The following CPPED1 variants were observed in gnomAD, a reference collection of about 807,000 sequenced individuals.
CPPED1 encodes serine/threonine-protein phosphatase CPPED1.
CPPED1 carries 28 observed loss-of-function variants against 28.0 expected under a neutral mutation model. That is an observed-to-expected ratio of 1.00 (90% CI 0.74 to 1.37). CPPED1 has a LOEUF of 1.37. CPPED1 is among the 40% of genes most tolerant of loss of function. The pLI is 0.00. For synonymous variants in CPPED1, 198 were observed against 180.2 expected (o/e 1.10, Z -0.79); for missense variants, 504 against 416.5 (o/e 1.21, Z -1.83).
In CPPED1 at chr16:12,664,999, G is replaced by A; in HGVS notation, c.832C>T (p.Leu278Phe). The change falls in exon 4 of 4, where the codon CTC becomes TTC. Residue 278 changes from leucine (L) to phenylalanine (F), a missense_variant. Leu to Phe is a conservative substitution (Grantham distance 22). Coordinates refer to ENST00000381774, the MANE Select transcript of CPPED1 (RefSeq NM_018340.3). This position sits in a 1 kb window ranked among gnomAD's most constrained non-coding sequence, Gnocchi z 4.2. ...TCGGCGGTGACCACCACGACTCGGA[G>A]CCCGTGGGGGTCTCTGCCCAGCTGG... is the stretch of plus-strand genomic sequence containing the variant. ...GCQLGRDPHG[L>F]RVVVVTAEKI... The A allele has an allele frequency of 6.2e-7, 1 of 1,611,352 alleles. No homozygotes were observed. Among genetic ancestry groups the A allele is most frequent in the Non-Finnish European group, 8.5e-7 (1 of 1,179,128 alleles).
At chr16:12,772,741 TC>T (rs1261196377) in intron 2 of CPPED1, among the ~76,000 whole-genome samples, 2 of 152,188 alleles carry the variant, frequency 1.3e-5, no homozygotes, top group Non-Finnish European at 2.9e-5. Context: ...ATGAAAAGCT[TC>T]TTCATCTATA....
At chr16:12,772,894 G>C (rs2080477820) in intron 2 of CPPED1, among the ~76,000 whole-genome samples, 1 of 152,154 alleles carries the variant, frequency 6.6e-6, no homozygotes, top group South Asian at 2.1e-4. Flanking sequence ...ACTTCAAGCT[G>C]GGACTCGGGC....
chr16:12,787,545 TAC>T (rs1456875410), intron 1 of CPPED1, among the ~76,000 whole-genome samples: 121 of 152,006 alleles, frequency 8.0e-4, no homozygotes, highest in Non-Finnish European at 4.0e-4. Context: ...GCTGGGATTA[TAC>T]AGGCATGTGC....
chr16:12,722,333 T>C lies in CPPED1; in HGVS notation c.290-17284A>G, dbSNP rs538233765. Among the ~76,000 whole-genome samples the C allele has an allele frequency of 5.9e-5, 9 of 152,258 alleles. No individual in the cohort carries two copies. The East Asian group carries it at 1.7e-3, about 29-fold the overall frequency. ...AGGTAAGTAGATGCCGAGCAGTTAGTTGCAAACCAAATGATTTCTCCAGCT... is the reference window on the plus strand; with the variant it reads ...AGGTAAGTAGATGCCGAGCAGTTAGCTGCAAACCAAATGATTTCTCCAGCT... On this transcript the variant is annotated intron_variant, in intron 2 of 3. Coordinates refer to ENST00000381774, the MANE Select transcript of CPPED1 (RefSeq NM_018340.3).
rs146028320 is a variant in CPPED1, at chr16:12,713,957, T to G, written c.290-8908A>C. On this transcript the variant is annotated intron_variant, in intron 2 of 3. Coordinates refer to ENST00000381774, the MANE Select transcript of CPPED1 (RefSeq NM_018340.3). ...CATTGCCCCCCAACTCCCACCACCC[T>G]AATTCTAAGCAATCACTAATCTACC... is the stretch of plus-strand genomic sequence containing the variant. Among the ~76,000 whole-genome samples, 13 of 152,268 alleles carry G rather than the reference T, an allele frequency of 8.5e-5. No homozygotes were observed. In the East Asian group the frequency reaches 2.5e-3, roughly 29 times the overall value.
At chr16:12,788,139 G>A (rs559230767) in intron 1 of CPPED1, among the ~76,000 whole-genome samples, 1 of 152,312 alleles carries the variant, frequency 6.6e-6, no homozygotes, top group East Asian at 1.9e-4. Flanking sequence ...CAGAGGGTCT[G>A]CTAGCAAATG....
intron 2 of CPPED1, among the ~76,000 whole-genome samples, chr16:12,778,421 TG>T (rs1352332373): frequency 1.3e-5 from 2 of 150,882 alleles, no homozygotes; most frequent in African/African-American, 4.9e-5. Context: ...GGATCACAGG[TG>T]TACACCACCA....
At chr16:12,733,060 C>T (rs907507903) in intron 2 of CPPED1, among the ~76,000 whole-genome samples, 22 of 152,128 alleles carry the variant, frequency 1.4e-4, no homozygotes, top group South Asian at 1.0e-3. Flanking sequence ...AATTTATTGA[C>T]GGGAAATTGG....
chr16:12,710,719 A>G (rs1476838562), intron 2 of CPPED1, among the ~76,000 whole-genome samples: 2 of 152,216 alleles, frequency 1.3e-5, no homozygotes, highest in African/African-American at 4.8e-5. Flanking sequence ...TAAATGGCCA[A>G]TAAGGACATT....
intron 3 of CPPED1, among the ~76,000 whole-genome samples, chr16:12,700,938 G>A (rs985083834): frequency 2.6e-5 from 4 of 152,106 alleles, no homozygotes; most frequent in African/African-American, 7.2e-5. Context: ...TGTCAAAGTT[G>A]AGTGGGAGGC....
chr16:12,689,777 G>A (rs1037449122), intron 3 of CPPED1, among the ~76,000 whole-genome samples: 51 of 152,180 alleles, frequency 3.4e-4, no homozygotes, highest in African/African-American at 1.2e-3. Context: ...ATTACTGATG[G>A]ATTCAGAAAC....
Position 12,803,719 on chromosome 16 carries a change from C to A in CPPED1, c.58G>T (p.Ala20Ser), listed in dbSNP as rs1364577577. The change falls in exon 1 of 4, where the codon GCG becomes TCG. Residue 20 changes from alanine (A) to serine (S), a missense_variant. Ala to Ser is a moderately conservative substitution (Grantham distance 99). Transcript: ENST00000381774. The part of the protein sequence containing the change: ...FHRARGRTLA[A>S]FPAEKESEWK... ...GGGCGGGCAGTACCTGCGGGAAACG[C>A]GGCCAGGGTCCTGCCCCTGGCTCTG... is the stretch of plus-strand genomic sequence containing the variant. 1 of 1,579,766 alleles carries A rather than the reference C, an allele frequency of 6.3e-7. No homozygotes were observed. Among genetic ancestry groups the A allele is most frequent in the Admixed American group, 1.8e-5 (1 of 55,040 alleles).
intron 3 of CPPED1, among the ~76,000 whole-genome samples, chr16:12,698,715 G>C (rs571479022): frequency 6.6e-6 from 1 of 152,294 alleles, no homozygotes; most frequent in Admixed American, 6.5e-5. Flanking sequence ...ACAGGTGTGA[G>C]CCACTGCACC....
At chr16:12,767,975 A>C (rs958431365) in intron 2 of CPPED1, among the ~76,000 whole-genome samples, 1 of 151,916 alleles carries the variant, frequency 6.6e-6, no homozygotes, top group African/African-American at 2.4e-5. Flanking sequence ...AAACAAAAAA[A>C]CCCCTGCCCT....
intron 1 of CPPED1, among the ~76,000 whole-genome samples, 172 bp from the exon 2 acceptor site, chr16:12,781,575 T>G (rs1388280283): frequency 2.0e-5 from 3 of 152,120 alleles, no homozygotes; most frequent in African/African-American, 2.4e-5. Flanking sequence ...GGATTTTGAT[T>G]TATACTAATT....
In CPPED1 at chr16:12,668,246, T is replaced by C. The variant is rs529447627; in HGVS notation, c.716-3131A>G. On this transcript the variant is annotated intron_variant, in intron 3 of 3. Transcript: ENST00000381774. ...AGGATGAAATATTAAAAAATAATGA[T>C]GACCAAACGCCAATATTTTGGTAAA... 6.6e-5 allele frequency among the ~76,000 whole-genome samples: 10 copies of C among 152,334 alleles called. No homozygotes were observed. The East Asian group carries it at 1.5e-3, about 23-fold the overall frequency.
At chr16:12,740,392 C>T (rs1297524554) in intron 2 of CPPED1, among the ~76,000 whole-genome samples, 3 of 148,430 alleles carry the variant, frequency 2.0e-5, no homozygotes, top group African/African-American at 7.5e-5. Flanking sequence ...TTGCAGTGAG[C>T]AGAGATTGCA....
chr16:12,704,120 C>G (rs2080035105), intron 3 of CPPED1, among the ~76,000 whole-genome samples: 1 of 152,192 alleles, frequency 6.6e-6, no homozygotes, highest in Non-Finnish European at 1.5e-5. Flanking sequence ...TACTGGAGGG[C>G]AGCTTGACTC....
chr16:12,754,159 G>T (rs773396255), intron 2 of CPPED1, among the ~76,000 whole-genome samples: 4 of 152,176 alleles, frequency 2.6e-5, no homozygotes, highest in African/African-American at 4.8e-5. Context: ...GGCACACTCG[G>T]GTTCACTGTG....
Sources: allele counts gnomAD v4.1 joint callset (sites outside exome capture counted in the v4.1 genomes callset), GRCh38; gene constraint gnomAD v4.1.1; non-coding constraint Gnocchi (gnomAD v3.1); transcripts MANE v1.5; gene names NCBI Gene and HGNC (gene_info 2026-07-23, HGNC 2026-07-21).